The following HAPLN1 variants were observed in gnomAD, a reference collection of about 807,000 sequenced individuals.
The protein encoded by HAPLN1 is Cartilage link protein.
Under a neutral mutation model 36.5 loss-of-function variants are expected in HAPLN1, and 13 were observed. The ratio of observed to expected loss-of-function variants is 0.36; its 90% CI spans 0.23 to 0.57. The LOEUF (loss-of-function observed/expected upper bound fraction) is 0.57, where lower values mean the gene tolerates loss of function less well. Among genes scored for constraint, HAPLN1 ranks in the 20% least tolerant of loss-of-function variants. The probability of loss-of-function intolerance (pLI) is 0.83; values close to 1 mark genes in which losing one functional copy is unlikely to be tolerated. For synonymous variants in HAPLN1, 202 were observed against 169.8 expected, an observed-to-expected ratio of 1.19 and a Z score of -1.48; for missense variants, 407 against 439.7, an observed-to-expected ratio of 0.93 and a Z score of 0.66.
At chr5:83,695,318 G>A (rs1483439921) in intron 1 of HAPLN1, among the ~76,000 whole-genome samples, 2 of 151,806 alleles carry the variant, frequency 1.3e-5, no homozygotes, top group Admixed American at 6.6e-5. Context: ...TAGAGATGGG[G>A]TTTCGCCATG....
intron 2 of HAPLN1, among the ~76,000 whole-genome samples, chr5:83,670,689 T>TTGTG (rs10572732): frequency 3.4e-4 from 51 of 148,920 alleles, no homozygotes; most frequent in African/African-American, 7.4e-4. Context: ...TACCTTTGTT[T>TTGTG]TGTGTGTGTG....
intron 3 of HAPLN1, among the ~76,000 whole-genome samples, chr5:83,649,787 T>C (rs974363705): frequency 6.6e-6 from 1 of 152,162 alleles, no homozygotes; most frequent in Non-Finnish European, 1.5e-5. Flanking sequence ...GACTCCCACA[T>C]TGCATGCACC....
chr5:83,658,176 T>G (rs1192780010), intron 2 of HAPLN1, among the ~76,000 whole-genome samples: 2 of 152,176 alleles, frequency 1.3e-5, no homozygotes, highest in Non-Finnish European at 2.9e-5. Context: ...TGTTAACACT[T>G]TGGCAGATTT....
intron 1 of HAPLN1, among the ~76,000 whole-genome samples, chr5:83,715,649 T>G (rs1314348874): frequency 6.6e-6 from 1 of 152,192 alleles, no homozygotes; most frequent in Non-Finnish European, 1.5e-5. Flanking sequence ...AATGCATTTT[T>G]GTGTTTCCTG....
At chr5:83,664,002 A>G (rs1750485579) in intron 2 of HAPLN1, among the ~76,000 whole-genome samples, 1 of 151,898 alleles carries the variant, frequency 6.6e-6, no homozygotes, top group African/African-American at 2.4e-5. Flanking sequence ...CTTTGCTCAA[A>G]CAAACCTTTT....
intron 3 of HAPLN1, among the ~76,000 whole-genome samples, chr5:83,650,550 C>T (rs1750025738): frequency 6.6e-6 from 1 of 151,436 alleles, no homozygotes; most frequent in Non-Finnish European, 1.5e-5. Flanking sequence ...TGCATATATT[C>T]TATATGGCAG....
chr5:83,673,515 A>C lies in HAPLN1; in HGVS notation c.9T>G (p.Ser3Arg), dbSNP rs150120434. The change falls in exon 2 of 5, where the codon AGT (serine) becomes AGG (arginine). Residue 3 changes from serine (S) to arginine (R), a missense_variant. Ser to Arg is a moderately radical substitution (Grantham distance 110). Coordinates refer to ENST00000274341, the MANE Select transcript of HAPLN1 (RefSeq NM_001884.4). MK[S>R]LLLLVLISIC... ...TTGAAATCAGCACCAGAAGAAGTAG[A>C]CTCTTCATCTTTATAGCCCAAAGAA... The C allele has an allele frequency of 1.2e-6, 2 of 1,610,796 alleles. No individual in the cohort carries two copies. Among genetic ancestry groups the C allele is most frequent in the Non-Finnish European group, 8.5e-7 (1 of 1,177,424 alleles).
chr5:83,700,633 C>T (rs1184916865), intron 1 of HAPLN1, among the ~76,000 whole-genome samples: 1 of 149,978 alleles, frequency 6.7e-6, no homozygotes, highest in East Asian at 1.9e-4. Flanking sequence ...ATGTCTCAAA[C>T]TCTCCTTTCA....
intron 2 of HAPLN1, among the ~76,000 whole-genome samples, chr5:83,670,990 G>GCTTT (rs138693711): frequency 0.026 from 3,915 of 151,968 alleles, 161 homozygotes; most frequent in African/African-American, 0.089. Flanking sequence ...ACCATGCCTG[G>GCTTT]CTTTCTTTCT....
chr5:83,700,769 G>A (rs192170786), intron 1 of HAPLN1, among the ~76,000 whole-genome samples: 1 of 151,900 alleles, frequency 6.6e-6, no homozygotes, highest in Admixed American at 6.5e-5. Context: ...AGTCAACGAT[G>A]GCACAAGGCT....
intron 1 of HAPLN1, among the ~76,000 whole-genome samples, chr5:83,697,947 T>C (rs2112626292): frequency 6.6e-6 from 1 of 152,266 alleles, no homozygotes; most frequent in African/African-American, 2.4e-5. Context: ...TAGCATAAGA[T>C]TTGCAAATAT....
chr5:83,648,406 T>C (rs1580120277), intron 3 of HAPLN1, among the ~76,000 whole-genome samples: 1 of 73,010 alleles, frequency 1.4e-5, no homozygotes, highest in Middle Eastern at 7.8e-3. Flanking sequence ...TATATATATA[T>C]ATATATATAT....
chr5:83,641,351 A>C lies in HAPLN1; in HGVS notation c.*145T>G. 2 of 590,480 alleles carry C rather than the reference A, an allele frequency of 3.4e-6. No homozygotes were observed. The highest frequency in any genetic ancestry group is 5.7e-6 in the Non-Finnish European group (2 of 352,358). The allele number at this position is 590,480 out of a possible 1,614,324, so 36.6% of individuals were successfully genotyped here. ...AGCTTTACAAAAAACAAATCAATGA[A>C]TTGATCTTTATGAAAATGACTCTTT... On this transcript the variant is annotated 3_prime_UTR_variant, in exon 5 of 5. Transcript: ENST00000274341.
chr5:83,680,823 CATT>C (rs1750981569), intron 1 of HAPLN1, among the ~76,000 whole-genome samples: 1 of 152,094 alleles, frequency 6.6e-6, no homozygotes, highest in South Asian at 2.1e-4. Context: ...TATATTCTAT[CATT>C]ATACACAAAG....
intron 1 of HAPLN1, among the ~76,000 whole-genome samples, chr5:83,706,927 C>T (rs1020105995): frequency 2.0e-5 from 3 of 152,110 alleles, no homozygotes; most frequent in Non-Finnish European, 4.4e-5. Context: ...TTCCTATACA[C>T]CACCAGGAGC....
rs1037242027 is a variant in HAPLN1 at position 83,639,266 on chromosome 5, T to C, written c.*2230A>G. The C allele has an allele frequency of 2.0e-5, 3 of 152,062 alleles. No individual in the cohort carries two copies. Among genetic ancestry groups the C allele is most frequent in the Non-Finnish European group, 4.4e-5 (3 of 67,906 alleles). The allele number at this position is 152,062 out of a possible 1,614,324, so 9.4% of individuals were successfully genotyped here. ...AAAAATTCTGCTCAGCAGTATTCAC[T>C]GTGTTAAGATTTTTTGTTTTTTACA... On this transcript the variant is annotated 3_prime_UTR_variant, in exon 5 of 5. Coordinates refer to ENST00000274341, the MANE Select transcript of HAPLN1 (RefSeq NM_001884.4).
At chr5:83,679,343 T>C (rs1043719819) in intron 1 of HAPLN1, among the ~76,000 whole-genome samples, 7 of 152,194 alleles carry the variant, frequency 4.6e-5, no homozygotes, top group African/African-American at 1.7e-4. Context: ...GAACTTAGGA[T>C]CCTCATGTCT....
At chr5:83,686,895 T>C (rs1167097374) in intron 1 of HAPLN1, among the ~76,000 whole-genome samples, 1 of 152,164 alleles carries the variant, frequency 6.6e-6, no homozygotes, top group Non-Finnish European at 1.5e-5. Context: ...GAAGGGTGTG[T>C]TGTTTCTCCA....
chr5:83,656,425 G>A (rs1750217237), intron 2 of HAPLN1, among the ~76,000 whole-genome samples: 1 of 137,954 alleles, frequency 7.2e-6, no homozygotes, highest in Non-Finnish European at 1.5e-5. Flanking sequence ...TCATTAGAAT[G>A]AGTATTGCTT....
Sources: allele counts gnomAD v4.1 joint callset (sites outside exome capture counted in the v4.1 genomes callset), GRCh38; gene constraint gnomAD v4.1.1; transcripts MANE v1.5; gene names NCBI Gene and HGNC (gene_info 2026-07-23, HGNC 2026-07-21).